WDFY4: variants seen among roughly 807,000 people sequenced by gnomAD.
WDFY4 encodes WDFY family member 4.
WDFY4 carries 169 observed loss-of-function variants against 351.9 expected under a neutral mutation model. That is an observed-to-expected ratio of 0.48 (90% CI 0.42 to 0.55). The LOEUF (loss-of-function observed/expected upper bound fraction) is 0.55. Among genes scored for constraint, WDFY4 ranks in the 20% least tolerant of loss-of-function variants. WDFY4 has a pLI of 0.00. For synonymous variants in WDFY4, 1,622 were observed against 1,574.6 expected (o/e 1.03, Z -0.71); for missense variants, 3,803 against 3,935.6 (o/e 0.97, Z 0.90).
At chr10:48,726,960 G>A (rs1477031829) in intron 6 of WDFY4, among the ~76,000 whole-genome samples, 1 of 152,072 alleles carries the variant, frequency 6.6e-6, no homozygotes, top group Non-Finnish European at 1.5e-5. Context: ...CCCATGGCCT[G>A]TCCCCTAGGA....
At chr10:48,785,015 G>T (rs551126538) in intron 19 of WDFY4, among the ~76,000 whole-genome samples, 1 of 151,046 alleles carries the variant, frequency 6.6e-6, no homozygotes, top group South Asian at 2.1e-4. Context: ...CCACCACCAT[G>T]CCTGGCTAAT....
chr10:48,868,195 C>A (rs1336518071), intron 40 of WDFY4, among the ~76,000 whole-genome samples: 1 of 152,206 alleles, frequency 6.6e-6, no homozygotes, highest in Non-Finnish European at 1.5e-5. Context: ...AAGCCCACAA[C>A]ATGCCCCTGG....
chr10:48,767,944 G>A (rs137864778), intron 13 of WDFY4, among the ~76,000 whole-genome samples: 87 of 152,218 alleles, frequency 5.7e-4, no homozygotes, highest in Non-Finnish European at 8.5e-4. Context: ...GGGAGGTCCC[G>A]GGCAGGCAGG....
intron 38 of WDFY4, 132 bp from the exon 39 acceptor site, chr10:48,832,441 G>A: frequency 3.7e-6 from 4 of 1,087,332 alleles, no homozygotes; most frequent in Non-Finnish European, 3.8e-6. Flanking sequence ...CTTGTAGCCT[G>A]GGTTGTTTCT....
intron 59 of WDFY4, 124 bp downstream of exon 59, chr10:48,977,103 A>G: frequency 1.0e-6 from 1 of 962,856 alleles, no homozygotes; most frequent in Non-Finnish European, 1.4e-6. Flanking sequence ...ACGGGTACCT[A>G]CAGCAAAGGA....
rs115082197 is a variant in WDFY4, at chr10:48,817,441, G to A, written c.5505+32G>A. Reference sequence around the variant, plus strand: ...CATGCTGCTGTCCCACCCAGAGAGAGCAGTTGTGAGCATCATCATCCTTCA... The same window carrying A: ...CATGCTGCTGTCCCACCCAGAGAGAACAGTTGTGAGCATCATCATCCTTCA... On this transcript the variant is annotated intron_variant, in intron 32 of 61. Transcript: ENST00000325239. 771 of 1,518,110 alleles carry A rather than the reference G, an allele frequency of 5.1e-4. 8 individuals are homozygous for A. The African/African-American group carries it at 9.1e-3, about 18-fold the overall frequency. 94.0% of individuals were successfully genotyped at this position (1,518,110 alleles called of 1,614,324 possible). A position where few individuals can be genotyped will look rare whatever the true frequency, so the allele number is the denominator to read the frequency against.
At chr10:48,938,743 A>T (rs1379940575) in intron 47 of WDFY4, among the ~76,000 whole-genome samples, 1 of 152,184 alleles carries the variant, frequency 6.6e-6, no homozygotes, top group Non-Finnish European at 1.5e-5. Context: ...AGATTTGGTT[A>T]AAAATGAAGC....
chr10:48,948,701 G>A (rs563363549), intron 51 of WDFY4, among the ~76,000 whole-genome samples: 4 of 152,344 alleles, frequency 2.6e-5, no homozygotes, highest in African/African-American at 9.6e-5. Context: ...ATAGGCTGTT[G>A]AGAAGATTAA....
rs1414783129 is a variant in WDFY4 at position 48,877,093 on chromosome 10, A to G, written c.7061A>G (p.Gln2354Arg). The change falls in exon 43 of 62, where the codon CAG (glutamine) becomes CGG (arginine). Residue 2354 changes from glutamine to arginine, a missense_variant. Coordinates refer to ENST00000325239, the MANE Select transcript of WDFY4 (RefSeq NM_001394531.1). Reference protein sequence around the residue: ...EPDEVGVDCTQLTFFPALHES... With the variant: ...EPDEVGVDCTRLTFFPALHES... ...GACGAGGTGGGGGTGGACTGCACCC[A>G]GCTGACCTTCTTCCCAGCCTTACAC... The G allele has an allele frequency of 3.2e-6, 5 of 1,546,292 alleles. No homozygotes were observed. Among genetic ancestry groups the G allele is most frequent in the Non-Finnish European group, 4.4e-6 (5 of 1,144,130 alleles).
In WDFY4 at chr10:48,890,728, G is replaced by C; in HGVS notation, c.7316+1G>C. ...ACTGTACCCGTCACTGCTTATCCAA[G>C]TGAGTTATCCACTTCTCCCAGCAGA... is the stretch of plus-strand genomic sequence containing the variant. On this transcript the variant is annotated splice_donor_variant, in intron 44 of 61. Coordinates refer to ENST00000325239, the MANE Select transcript of WDFY4 (RefSeq NM_001394531.1). LOFTEE classifies it high-confidence loss of function. The C allele has an allele frequency of 6.4e-7, 1 of 1,551,660 alleles. No homozygotes were observed. Among genetic ancestry groups the C allele is most frequent in the Non-Finnish European group, 8.7e-7 (1 of 1,146,976 alleles).
At chr10:48,733,814 T>A in intron 9 of WDFY4, 117 bp from the exon 10 acceptor site, 1 of 899,634 alleles carries the variant, frequency 1.1e-6, no homozygotes, top group Non-Finnish European at 1.7e-6. Context: ...ACACACTCCC[T>A]TATGATGAAA....
intron 39 of WDFY4, among the ~76,000 whole-genome samples, chr10:48,840,223 T>C (rs1029921464): frequency 6.6e-6 from 1 of 152,178 alleles, no homozygotes; most frequent in African/African-American, 2.4e-5. Context: ...CAGCCGTGCT[T>C]CCTACGCCAC....
intron 5 of WDFY4, 135 bp downstream of exon 5, chr10:48,723,702 A>C: frequency 8.0e-7 from 1 of 1,251,438 alleles, no homozygotes; most frequent in Admixed American, 2.6e-5. Flanking sequence ...AGAGGGTCTA[A>C]CCTCCCCCTC....
At chr10:48,912,998 A>G (rs1361241889) in intron 47 of WDFY4, among the ~76,000 whole-genome samples, 2 of 152,186 alleles carry the variant, frequency 1.3e-5, no homozygotes, top group East Asian at 3.9e-4. Flanking sequence ...AAACATTTCC[A>G]TTAAATAACT....
intron 13 of WDFY4, among the ~76,000 whole-genome samples, chr10:48,764,612 A>G (rs2065610907): frequency 6.6e-6 from 1 of 152,236 alleles, no homozygotes; most frequent in Non-Finnish European, 1.5e-5. Flanking sequence ...ACGGCTTCTA[A>G]TCAGGTCTTA....
intron 25 of WDFY4, among the ~76,000 whole-genome samples, chr10:48,803,857 C>T (rs979996218): frequency 6.6e-5 from 10 of 152,178 alleles, no homozygotes; most frequent in Non-Finnish European, 1.5e-4. Flanking sequence ...GGGGGAGGCT[C>T]ACATCATTTT....
Position 48,742,288 on chromosome 10 carries a change from A to T in WDFY4, c.1879-680A>T, listed in dbSNP as rs553478649. ...CCTATGCTATGTGTTATACCTATGC[A>T]TTTCATTCCATTGCAGGTTTCTCTT... On this transcript the variant is annotated intron_variant, in intron 11 of 61. Coordinates refer to ENST00000325239, the MANE Select transcript of WDFY4 (RefSeq NM_001394531.1). Among the ~76,000 whole-genome samples, 17 of 152,338 alleles carry T rather than the reference A, an allele frequency of 1.1e-4. No homozygotes were observed. The East Asian group carries it at 3.3e-3, about 29-fold the overall frequency.
intron 47 of WDFY4, among the ~76,000 whole-genome samples, chr10:48,915,819 A>G (rs1215149249): frequency 6.6e-6 from 1 of 152,130 alleles, no homozygotes; most frequent in Non-Finnish European, 1.5e-5. Context: ...GGCAGCATTG[A>G]TGTTCATTTA....
Position 48,748,820 on chromosome 10 carries a change from G to A in WDFY4, c.2459+5272G>A, listed in dbSNP as rs114624230. Among the ~76,000 whole-genome samples, 565 of 152,292 alleles carry A rather than the reference G, an allele frequency of 3.7e-3. 3 individuals are homozygous for A. Among genetic ancestry groups the A allele is most frequent in the African/African-American group, 0.013 (531 of 41,550 alleles). ...CAGTGGGCTGGGAATGGGAGACAGG[G>A]TGCTCGTCTCTGCCGTACCACACTT... On this transcript the variant is annotated intron_variant, in intron 12 of 61. Coordinates refer to ENST00000325239, the MANE Select transcript of WDFY4 (RefSeq NM_001394531.1).
Sources: gnomAD v4.1 joint callset for allele counts (sites outside exome capture counted in the v4.1 genomes callset) on GRCh38, gnomAD v4.1.1 for gene constraint, MANE v1.5 for transcripts, NCBI Gene and HGNC (gene_info 2026-07-23, HGNC 2026-07-21) for gene names.